Variants in CCR5AS observed in about 807,000 individuals in gnomAD.
The protein encoded by CCR5AS is CCR5 antisense RNA.
At chr3:46,379,948 CTGCTT>C (rs1701802597) in intron 2 of CCR5AS, among the ~76,000 whole-genome samples, 1 of 151,542 alleles carries the variant, frequency 6.6e-6, no homozygotes, top group South Asian at 2.1e-4. Flanking sequence ...AGTAAATGCA[CTGCTT>C]TGCTTTTGGA....
At chr3:46,388,375 C>T (rs916940140) in intron 2 of CCR5AS, among the ~76,000 whole-genome samples, 2 of 152,026 alleles carry the variant, frequency 1.3e-5, no homozygotes, top group Non-Finnish European at 1.5e-5. Context: ...TTGGTAATGG[C>T]CTGGATGCAG....
chr3:46,397,200 T>G (rs1484971537), intron 1 of CCR5AS, among the ~76,000 whole-genome samples: 1 of 151,938 alleles, frequency 6.6e-6, no homozygotes, highest in Non-Finnish European at 1.5e-5. Context: ...CAGCTCCCAC[T>G]GCTCCTGTGT....
intron 2 of CCR5AS, among the ~76,000 whole-genome samples, chr3:46,378,487 T>G (rs905393260): frequency 6.6e-6 from 1 of 152,172 alleles, no homozygotes; most frequent in Admixed American, 6.5e-5. Context: ...AAAGCATTCA[T>G]GGAAGAGTGT....
At chr3:46,375,180 T>C (rs1701735734) in intron 2 of CCR5AS, 1 of 167,086 alleles carries the variant, frequency 6.0e-6, no homozygotes, top group Non-Finnish European at 1.5e-5. Context: ...TTTCACTGAA[T>C]GCTTCTGACT....
intron 1 of CCR5AS, among the ~76,000 whole-genome samples, chr3:46,397,455 G>A (rs1419247858): frequency 1.3e-5 from 2 of 152,200 alleles, no homozygotes; most frequent in African/African-American, 2.4e-5. Flanking sequence ...CAAAAATTTG[G>A]ACAAGGTATA....
chr3:46,373,714 G>A (rs1376953680), intron 2 of CCR5AS: 1 of 1,614,108 alleles, frequency 6.2e-7, no homozygotes, highest in Non-Finnish European at 8.5e-7. Context: ...AATTGCAGTA[G>A]CTCTAACAGG....
At chr3:46,404,081 CTG>C (rs924011268) in intron 1 of CCR5AS, among the ~76,000 whole-genome samples, 90 of 152,326 alleles carry the variant, frequency 5.9e-4, no homozygotes, top group African/African-American at 2.0e-3. Flanking sequence ...AAATCAGTAA[CTG>C]GAGCCTCACA....
chr3:46,374,821 G>C lies in CCR5AS; in HGVS notation n.392-3404C>G, dbSNP rs539953254. The C allele has an allele frequency of 6.0e-5, 10 of 167,540 alleles. 1 individual carries two copies. The South Asian group carries it at 2.1e-3, about 35-fold the overall frequency. The allele number at this position is 167,540 out of a possible 1,614,324, so 10.4% of individuals were successfully genotyped here. A position where few individuals can be genotyped will look rare whatever the true frequency, so the allele number is the denominator to read the frequency against. ...CAGGAAGGATGAGCATTTAGGGCAAGGAGACCACCAACAGCCCTCAGGTCA... is the reference window on the plus strand; with the variant it reads ...CAGGAAGGATGAGCATTTAGGGCAACGAGACCACCAACAGCCCTCAGGTCA... On this transcript the variant is annotated intron_variant and non_coding_transcript_variant, in intron 2 of 3. Coordinates refer to ENST00000451485, the Ensembl canonical transcript of CCR5AS.
At chr3:46,384,888 G>C (rs530893944) in intron 2 of CCR5AS, among the ~76,000 whole-genome samples, 1 of 151,754 alleles carries the variant, frequency 6.6e-6, no homozygotes, top group African/African-American at 2.4e-5. Context: ...TAGATAGATA[G>C]ATAGATAGAT....
intron 3 of CCR5AS, among the ~76,000 whole-genome samples, chr3:46,365,763 T>C (rs1246374749): frequency 2.0e-5 from 3 of 152,200 alleles, no homozygotes; most frequent in African/African-American, 7.2e-5. Flanking sequence ...ATTTTCTGGG[T>C]GCTGGGCTCA....
At chr3:46,371,969 G>A (rs537491506) in intron 2 of CCR5AS, among the ~76,000 whole-genome samples, 1 of 152,172 alleles carries the variant, frequency 6.6e-6, no homozygotes, top group Non-Finnish European at 1.5e-5. Flanking sequence ...AAGAGTGCAG[G>A]CTTCCCGCAT....
intron 3 of CCR5AS, among the ~76,000 whole-genome samples, chr3:46,370,504 T>C (rs4987054): frequency 3.3e-5 from 5 of 152,204 alleles, no homozygotes; most frequent in African/African-American, 1.2e-4. Context: ...TTAAGTTGGC[T>C]TTAATTAATA....
intron 1 of CCR5AS, among the ~76,000 whole-genome samples, chr3:46,400,338 G>C (rs1701996278): frequency 6.6e-6 from 1 of 152,162 alleles, no homozygotes; most frequent in Non-Finnish European, 1.5e-5. Flanking sequence ...AAAAAATGTA[G>C]AGGATAATTT....
intron 2 of CCR5AS, among the ~76,000 whole-genome samples, chr3:46,388,757 T>C (rs1383867458): frequency 6.6e-6 from 1 of 151,944 alleles, no homozygotes; most frequent in African/African-American, 2.4e-5. Flanking sequence ...GTGAGTGAGA[T>C]TGATAGTGTG....
chr3:46,391,802 C>A (rs902734464), intron 2 of CCR5AS, among the ~76,000 whole-genome samples: 1 of 152,004 alleles, frequency 6.6e-6, no homozygotes, highest in African/African-American at 2.4e-5. Flanking sequence ...GAATTGGGAC[C>A]TGGCTAGGCC....
chr3:46,374,247 G>A (rs764395007), intron 2 of CCR5AS: 5 of 291,232 alleles, frequency 1.7e-5, no homozygotes, highest in East Asian at 6.4e-5. Context: ...CCTTCACTCC[G>A]AAAGTTCCTT....
At chr3:46,383,951 T>C (rs1036509853) in intron 2 of CCR5AS, among the ~76,000 whole-genome samples, 10 of 152,220 alleles carry the variant, frequency 6.6e-5, no homozygotes, top group African/African-American at 1.2e-4. Flanking sequence ...GTTTGAAAAG[T>C]ACTGTTGAAG....
intron 1 of CCR5AS, among the ~76,000 whole-genome samples, chr3:46,406,236 A>G (rs376777777): frequency 6.6e-6 from 1 of 152,184 alleles, no homozygotes. Flanking sequence ...ATCCTACCTC[A>G]GACACATCTT....
intron 3 of CCR5AS, among the ~76,000 whole-genome samples, chr3:46,365,701 A>G (rs1196140097): frequency 6.6e-6 from 1 of 152,102 alleles, no homozygotes; most frequent in Non-Finnish European, 1.5e-5. Flanking sequence ...GGGGCTCCAA[A>G]TGGATCTAGA....
Sources: gnomAD v4.1 joint callset for allele counts (sites outside exome capture counted in the v4.1 genomes callset) on GRCh38, gnomAD v4.1.1 for gene constraint, MANE v1.5 for transcripts, NCBI Gene and HGNC (gene_info 2026-07-23, HGNC 2026-07-21) for gene names.